The following MACROD2 variants were observed in gnomAD, a reference collection of about 807,000 sequenced individuals.
The protein encoded by MACROD2 is ADP-ribose glycohydrolase MACROD2.
A neutral mutation model predicts 70.4 loss-of-function variants in MACROD2; 36 were observed. The ratio of observed to expected loss-of-function variants is 0.51; its 90% confidence interval spans 0.39 to 0.68. The LOEUF is 0.68. Ranked by LOEUF, MACROD2 falls within the 30% of genes least tolerant of loss-of-function variation. The probability of loss-of-function intolerance (pLI) is 0.00; values close to 1 mark genes in which losing one functional copy is unlikely to be tolerated. For synonymous variants in MACROD2, 172 were observed against 178.8 expected (o/e 0.96, Z 0.30); for missense variants, 496 against 538.4 (o/e 0.92, Z 0.78).
chr20:14,486,134 C>T (rs1391760002), intron 3 of MACROD2, among the ~76,000 whole-genome samples: 2 of 152,202 alleles, frequency 1.3e-5, no homozygotes, highest in East Asian at 1.9e-4. Context: ...AGGAGTTTTT[C>T]ATGGACCAGG....
At chr20:14,596,944 A>G (rs543722017) in intron 4 of MACROD2, among the ~76,000 whole-genome samples, 16 of 152,318 alleles carry the variant, frequency 1.1e-4, no homozygotes, top group African/African-American at 3.4e-4. Flanking sequence ...TGTGTAAATT[A>G]TTATGATTGG....
At chr20:15,744,565 A>G (rs1219953627) in intron 8 of MACROD2, among the ~76,000 whole-genome samples, 1 of 152,190 alleles carries the variant, frequency 6.6e-6, no homozygotes, top group Non-Finnish European at 1.5e-5. Flanking sequence ...GGCTGCCTCC[A>G]TTGAAGTTGA....
At chr20:15,201,618 A>G (rs1268295222) in intron 5 of MACROD2, among the ~76,000 whole-genome samples, 1 of 152,192 alleles carries the variant, frequency 6.6e-6, no homozygotes, top group East Asian at 1.9e-4. Flanking sequence ...CTAGGAAACA[A>G]CACTTTATTA....
chr20:14,310,698 GTTGTCA>G (rs2082559588), intron 3 of MACROD2, among the ~76,000 whole-genome samples: 1 of 152,130 alleles, frequency 6.6e-6, no homozygotes, highest in Admixed American at 6.5e-5. Flanking sequence ...AGAAGGCATT[GTTGTCA>G]TAGGAGATGA....
intron 6 of MACROD2, among the ~76,000 whole-genome samples, chr20:15,261,733 G>C (rs1367395578): frequency 6.6e-6 from 1 of 151,962 alleles, no homozygotes. Flanking sequence ...TTGTGAAGCT[G>C]ATTGGGCCTG....
chr20:14,830,410 T>A (rs1208060102), intron 5 of MACROD2, among the ~76,000 whole-genome samples: 1 of 152,138 alleles, frequency 6.6e-6, no homozygotes, highest in Non-Finnish European at 1.5e-5. Flanking sequence ...AAATTGAGAT[T>A]TAAAAAATCA....
chr20:14,132,916 T>C (rs758299646), intron 3 of MACROD2, among the ~76,000 whole-genome samples: 1 of 152,178 alleles, frequency 6.6e-6, no homozygotes, highest in Non-Finnish European at 1.5e-5. Flanking sequence ...GTTGGGATTA[T>C]AGGCATGAGC....
Position 14,125,085 on chromosome 20 carries a change from G to A in MACROD2, c.271+39357G>A, listed in dbSNP as rs548520046. ...ACATATTGTAGGCTTTCATTTATAT[G>A]AACTATCCAGAATAGATAATGGAGG... On this transcript the variant is annotated intron_variant, in intron 3 of 17. Coordinates refer to ENST00000684519, the MANE Select transcript of MACROD2 (RefSeq NM_001351661.2). 2.6e-5 allele frequency among the ~76,000 whole-genome samples: 4 copies of A among 152,226 alleles called. No homozygotes were observed. The South Asian group carries it at 8.3e-4, about 32-fold the overall frequency.
At chr20:14,277,630 G>C (rs1601427904) in intron 3 of MACROD2, among the ~76,000 whole-genome samples, 1 of 151,956 alleles carries the variant, frequency 6.6e-6, no homozygotes, top group East Asian at 1.9e-4. Flanking sequence ...GGAGACCATT[G>C]TTTTATTTAT....
chr20:14,786,104 G>C (rs1368189541), intron 5 of MACROD2, among the ~76,000 whole-genome samples: 4 of 151,824 alleles, frequency 2.6e-5, no homozygotes, highest in Non-Finnish European at 5.9e-5. Context: ...TATGTGGATT[G>C]GGTTGCAAAA....
At chr20:14,600,341 T>TACAC (rs781460150) in intron 4 of MACROD2, among the ~76,000 whole-genome samples, 3 of 142,110 alleles carry the variant, frequency 2.1e-5, no homozygotes, top group African/African-American at 8.9e-5. Flanking sequence ...TATATATATA[T>TACAC]ATACACACAC....
At chr20:15,356,298 G>A (rs1158589184) in intron 6 of MACROD2, among the ~76,000 whole-genome samples, 1 of 152,086 alleles carries the variant, frequency 6.6e-6, no homozygotes, top group Non-Finnish European at 1.5e-5. Context: ...AATTATGCAG[G>A]TAAAGACTTT....
chr20:16,021,109 G>T (rs967324927), intron 15 of MACROD2, among the ~76,000 whole-genome samples: 3 of 152,112 alleles, frequency 2.0e-5, no homozygotes, highest in African/African-American at 7.2e-5. Context: ...AATAGAAAAT[G>T]ATAAACTCAG....
intron 5 of MACROD2, among the ~76,000 whole-genome samples, chr20:14,875,258 G>A (rs1423945029): frequency 3.3e-5 from 5 of 151,904 alleles, no homozygotes. Context: ...GCACGTGCCT[G>A]TAGTTCCAAC....
At chr20:14,972,738 C>A (rs1223793453) in intron 5 of MACROD2, among the ~76,000 whole-genome samples, 1 of 152,150 alleles carries the variant, frequency 6.6e-6, no homozygotes, top group Non-Finnish European at 1.5e-5. Flanking sequence ...AGGAGGAGTG[C>A]TTACAATTTC....
chr20:14,707,166 A>G (rs563520658), intron 5 of MACROD2, among the ~76,000 whole-genome samples: 1 of 152,212 alleles, frequency 6.6e-6, no homozygotes, highest in East Asian at 1.9e-4. Context: ...TCATCTCCTA[A>G]AAGGCTGGGA....
intron 4 of MACROD2, among the ~76,000 whole-genome samples, chr20:14,567,264 G>A (rs11905459): frequency 0.01 from 1,525 of 152,132 alleles, 24 homozygotes; most frequent in African/African-American, 0.035. Flanking sequence ...ATCAATAGAT[G>A]AATGATCTAC....
intron 5 of MACROD2, among the ~76,000 whole-genome samples, chr20:14,876,000 G>A (rs2073546523): frequency 6.6e-6 from 1 of 151,912 alleles, no homozygotes; most frequent in Admixed American, 6.6e-5. Context: ...GGGATTGCTG[G>A]GTCAAATTGT....
intron 5 of MACROD2, among the ~76,000 whole-genome samples, chr20:14,714,373 A>G (rs2071373112): frequency 6.6e-6 from 1 of 152,080 alleles, no homozygotes; most frequent in Non-Finnish European, 1.5e-5. Flanking sequence ...TCATCTACCC[A>G]GATCCACTTT....
Sources: gnomAD v4.1 joint callset for allele counts (sites outside exome capture counted in the v4.1 genomes callset) on GRCh38, gnomAD v4.1.1 for gene constraint, MANE v1.5 for transcripts, NCBI Gene and HGNC (gene_info 2026-07-23, HGNC 2026-07-21) for gene names.